C8orf34: variants seen among roughly 807,000 people sequenced by gnomAD.
C8orf34 encodes uncharacterized protein C8orf34.
Under a neutral mutation model 68.3 loss-of-function variants are expected in C8orf34, and 65 were observed. The observed-to-expected ratio is 0.95, with a 90% CI of 0.78 to 1.17. The LOEUF (loss-of-function observed/expected upper bound fraction) is 1.17, where lower values mean the gene tolerates loss of function less well. C8orf34 is among the 50% of genes most tolerant of loss of function. The pLI is 0.00. For missense variants in C8orf34, 664 were observed against 655.4 expected (o/e 1.01, Z -0.14); for synonymous variants, 244 against 241.2 (o/e 1.01, Z -0.11).
intron 8 of C8orf34, among the ~76,000 whole-genome samples, chr8:68,679,958 C>T: frequency 6.6e-6 from 1 of 152,090 alleles, no homozygotes; most frequent in South Asian, 2.1e-4. Context: ...AAATATAAGG[C>T]CTCAATCTAT....
chr8:68,510,779 C>A (rs180842000), intron 5 of C8orf34, among the ~76,000 whole-genome samples: 2 of 152,132 alleles, frequency 1.3e-5, no homozygotes, highest in Non-Finnish European at 2.9e-5. Context: ...TCTGTTCCCC[C>A]CAAGGAATCT....
chr8:68,776,726 T>A (rs1157511493), intron 11 of C8orf34, among the ~76,000 whole-genome samples: 1 of 152,202 alleles, frequency 6.6e-6, no homozygotes, highest in Non-Finnish European at 1.5e-5. Flanking sequence ...CAAATATTTG[T>A]TGATATTCAA....
chr8:68,624,909 G>GT (rs1818492849), intron 7 of C8orf34, among the ~76,000 whole-genome samples: 1 of 96,386 alleles, frequency 1.0e-5, no homozygotes, highest in Non-Finnish European at 2.1e-5. Context: ...CTAATTTCTT[G>GT]CTTTTTTTTT....
intron 3 of C8orf34, among the ~76,000 whole-genome samples, chr8:68,449,449 A>T (rs961277027): frequency 3.9e-5 from 6 of 151,980 alleles, no homozygotes; most frequent in Non-Finnish European, 8.8e-5. Flanking sequence ...CCCACCTCCT[A>T]CCAGCCCCTG....
intron 8 of C8orf34, among the ~76,000 whole-genome samples, chr8:68,649,816 T>G (rs1819290292): frequency 6.6e-6 from 1 of 152,098 alleles, no homozygotes; most frequent in South Asian, 2.1e-4. Context: ...AGGGTTGAAA[T>G]CTCAGCTTGG....
intron 8 of C8orf34, among the ~76,000 whole-genome samples, chr8:68,669,351 T>TA (rs950426283): frequency 1.3e-4 from 20 of 152,130 alleles, no homozygotes; most frequent in Non-Finnish European, 2.6e-4. Context: ...CTAAAAATAT[T>TA]AGAGTCTTAA....
intron 1 of C8orf34, among the ~76,000 whole-genome samples, chr8:68,399,364 C>T (rs1808853167): frequency 6.6e-6 from 1 of 152,072 alleles, no homozygotes; most frequent in African/African-American, 2.4e-5. Context: ...ACTTTATGTC[C>T]ATGTGTACAG....
intron 8 of C8orf34, among the ~76,000 whole-genome samples, chr8:68,708,020 C>G (rs980738119): frequency 6.6e-6 from 1 of 151,746 alleles, no homozygotes; most frequent in Non-Finnish European, 1.5e-5. Flanking sequence ...GTCTTTTTCC[C>G]AAGAAAAAAT....
chr8:68,573,705 G>T (rs1816821239), intron 7 of C8orf34, among the ~76,000 whole-genome samples: 2 of 152,056 alleles, frequency 1.3e-5, no homozygotes, highest in African/African-American at 2.4e-5. Context: ...AATATCTAAG[G>T]GCATGCTTCC....
intron 10 of C8orf34, among the ~76,000 whole-genome samples, chr8:68,734,644 T>C (rs1822073500): frequency 6.6e-6 from 1 of 152,182 alleles, no homozygotes. Context: ...CTACAGGATA[T>C]CACCACTGTT....
chr8:68,603,349 C>T (rs1817754524), intron 7 of C8orf34, among the ~76,000 whole-genome samples: 1 of 152,062 alleles, frequency 6.6e-6, no homozygotes, highest in African/African-American at 2.4e-5. Context: ...ATTCCTCTCC[C>T]AGGTATATGC....
chr8:68,803,547 T>C (rs1250283000), intron 12 of C8orf34, among the ~76,000 whole-genome samples: 4 of 152,094 alleles, frequency 2.6e-5, no homozygotes, highest in Non-Finnish European at 5.9e-5. Context: ...TCATACTTGA[T>C]GAATTACTGA....
chr8:68,533,739 T>C (rs1055691412), intron 7 of C8orf34: 5 of 942,316 alleles, frequency 5.3e-6, no homozygotes, highest in Non-Finnish European at 6.3e-6. Context: ...ATGTAGTATA[T>C]GTATGTTTTT....
intron 8 of C8orf34, among the ~76,000 whole-genome samples, chr8:68,651,388 A>G (rs75924634): frequency 0.012 from 1,848 of 152,278 alleles, 11 homozygotes; most frequent in Non-Finnish European, 0.02. Context: ...TCACTTCTCC[A>G]TTTAGTTCCT....
intron 10 of C8orf34, among the ~76,000 whole-genome samples, chr8:68,768,934 C>T (rs1360014102): frequency 6.6e-6 from 1 of 151,468 alleles, no homozygotes; most frequent in Non-Finnish European, 1.5e-5. Context: ...CTTCTTTTAG[C>T]ATAAAGCACT....
At chr8:68,615,797 G>A (rs1286875883) in intron 7 of C8orf34, among the ~76,000 whole-genome samples, 1 of 152,052 alleles carries the variant, frequency 6.6e-6, no homozygotes, top group East Asian at 1.9e-4. Context: ...GGATGATGCT[G>A]GCCTCATAAA....
chr8:68,457,325 G>A (rs1446320449), intron 3 of C8orf34, among the ~76,000 whole-genome samples: 1 of 152,094 alleles, frequency 6.6e-6, no homozygotes, highest in Non-Finnish European at 1.5e-5. Context: ...AATACAGAAG[G>A]CAGAAGACAT....
At chr8:68,690,714 G>A (rs1345022597) in intron 8 of C8orf34, among the ~76,000 whole-genome samples, 1 of 151,968 alleles carries the variant, frequency 6.6e-6, no homozygotes, top group African/African-American at 2.4e-5. Context: ...AATTTTATCA[G>A]GGGGAAACAT....
chr8:68,528,962 G>A (rs2129780319), intron 6 of C8orf34, among the ~76,000 whole-genome samples: 1 of 152,246 alleles, frequency 6.6e-6, no homozygotes, highest in South Asian at 2.1e-4. Context: ...TCCGCCTAGG[G>A]CAAGCTCCTC....
Sources: gnomAD v4.1 joint callset for allele counts (sites outside exome capture counted in the v4.1 genomes callset) on GRCh38, gnomAD v4.1.1 for gene constraint, MANE v1.5 for transcripts, NCBI Gene and HGNC (gene_info 2026-07-23, HGNC 2026-07-21) for gene names.